The following GMNC variants were observed in gnomAD, a reference collection of about 807,000 sequenced individuals.
GMNC encodes the protein geminin coiled-coil domain containing.
GMNC carries 16 observed loss-of-function variants against 33.6 expected under a neutral mutation model. That is an observed-to-expected ratio of 0.48 (90% CI 0.32 to 0.72). The LOEUF is 0.72. Ranked by LOEUF, GMNC falls within the 30% of genes least tolerant of loss-of-function variation. The pLI is 0.03. For missense variants in GMNC, 393 were observed against 388.9 expected, an observed-to-expected ratio of 1.01 and a Z score of -0.09; for synonymous variants, 156 against 147.3, an observed-to-expected ratio of 1.06 and a Z score of -0.43.
chr3:190,858,695 C>A (rs114921072), intron 3 of GMNC, among the ~76,000 whole-genome samples: 12 of 152,168 alleles, frequency 7.9e-5, no homozygotes, highest in Admixed American at 7.9e-4. Context: ...CAAGGTCATA[C>A]GGCTAAAATG....
At position 190,854,497 on chromosome 3, in the gene GMNC, G is replaced by A. The variant is rs1345247094; in HGVS notation, c.*798C>T. ...CAGCAATAGGAGTTTGTCAGCATCT[G>A]GGTAGTTGCAGATGATGACTAGTTT... On this transcript the variant is annotated 3_prime_UTR_variant, in exon 5 of 5. Transcript: ENST00000442080. 2.0e-5 allele frequency: 3 copies of A among 152,132 alleles called. No homozygotes were observed. The highest frequency in any genetic ancestry group is 2.0e-4 in the Admixed American group (3 of 15,254). The allele number at this position is 152,132 out of a possible 1,614,324, so 9.4% of individuals were successfully genotyped here.
In GMNC at chr3:190,855,712, T is replaced by C; in HGVS notation, c.588A>G (p.Lys196=). 1 of 1,551,582 alleles carries C rather than the reference T, an allele frequency of 6.4e-7. No individual in the cohort carries two copies. ...DPWVLQTLGL[K]DLDTIDDTSS... ...AGGTGTCATCGATAGTGTCAAGGTC[T>C]TTTAACCCAAGTGTTTGAAGGACCC... Residue 196 remains lysine (K), a synonymous_variant, in exon 5 of 5, where the codon AAA becomes AAG. Transcript: ENST00000442080.
the GMNC span, among the ~76,000 whole-genome samples, chr3:190,846,590 T>C: frequency 6.6e-6 from 1 of 152,210 alleles, no homozygotes. Context: ...TGGTAATTTA[T>C]GACTTGCTGA....
Position 190,859,014 on chromosome 3 carries a change from A to G in GMNC, c.181T>C (p.Ser61Pro). ...AGAGGAAAATTTGAGTCACTGAATGATTCTGTGAAAATACAAATAGATAAC... is the reference window on the plus strand; with the variant it reads ...AGAGGAAAATTTGAGTCACTGAATGGTTCTGTGAAAATACAAATAGATAAC... ...ELQQAPQAQE[S>P]FSDSNFPLPD... Residue 61 changes from serine to proline, a missense_variant and splice_region_variant, in exon 3 of 5, where the codon TCA becomes CCA. By Grantham distance (74) the Ser-to-Pro change is moderately conservative. Transcript: ENST00000442080. 2 of 1,533,446 alleles carry G rather than the reference A, an allele frequency of 1.3e-6. No homozygotes were observed. The highest frequency in any genetic ancestry group is 2.4e-5 in the East Asian group (1 of 40,822). 95.0% of individuals were successfully genotyped at this position (1,533,446 alleles called of 1,614,324 possible).
the GMNC span, among the ~76,000 whole-genome samples, chr3:190,846,902 G>C: frequency 1.3e-5 from 2 of 152,184 alleles, no homozygotes; most frequent in African/African-American, 2.4e-5. Context: ...GAGTCCATGT[G>C]TTTTAAACTT....
the GMNC span, among the ~76,000 whole-genome samples, chr3:190,844,017 G>T: frequency 1.3e-5 from 2 of 152,052 alleles, no homozygotes; most frequent in Admixed American, 6.6e-5. Flanking sequence ...ATCCAGAATG[G>T]TTACTTCTTA....
At position 190,852,889 on chromosome 3, in the gene GMNC, A is replaced by G. The variant is rs1339516639; in HGVS notation, c.*2406T>C. On this transcript the variant is annotated 3_prime_UTR_variant, in exon 5 of 5. Coordinates refer to ENST00000442080, the MANE Select transcript of GMNC (RefSeq NM_001146686.3). ...AGTAAAACATATACTCAGGTGAAAGAAATGTTTAATTTCTAAAACATGAAC... is the reference window on the plus strand; with the variant it reads ...AGTAAAACATATACTCAGGTGAAAGGAATGTTTAATTTCTAAAACATGAAC... 1 of 152,174 alleles carries G rather than the reference A, an allele frequency of 6.6e-6. No homozygotes were observed. The highest frequency in any genetic ancestry group is 2.4e-5 in the African/African-American group (1 of 41,452). The allele number at this position is 152,174 out of a possible 1,614,324, so 9.4% of individuals were successfully genotyped here.
chr3:190,851,016 C>A (rs1314772657), downstream of GMNC, among the ~76,000 whole-genome samples: 2 of 152,130 alleles, frequency 1.3e-5, no homozygotes, highest in South Asian at 2.1e-4. Context: ...TCCAGGTTAT[C>A]CATGACTGAT....
intron 2 of GMNC, among the ~76,000 whole-genome samples, chr3:190,859,420 T>C (rs1269345396): frequency 6.6e-6 from 1 of 152,226 alleles, no homozygotes; most frequent in African/African-American, 2.4e-5. Context: ...TTCTAAGTTT[T>C]AGCACTTGAT....
chr3:190,849,702 A>G (rs933040261), downstream of GMNC, among the ~76,000 whole-genome samples: 1 of 152,204 alleles, frequency 6.6e-6, no homozygotes, highest in African/African-American at 2.4e-5. Flanking sequence ...ATAAGAAGCA[A>G]CAACAAAAAC....
In GMNC at chr3:190,855,581, T is replaced by C; in HGVS notation, c.719A>G (p.Asp240Gly). The C allele has an allele frequency of 6.4e-7, 1 of 1,551,558 alleles. No individual in the cohort carries two copies. Among genetic ancestry groups the C allele is most frequent in the Non-Finnish European group, 8.7e-7 (1 of 1,146,884 alleles). Residue 240 changes from aspartate (D) to glycine (G), a missense_variant, in exon 5 of 5, where the codon GAT (aspartate) becomes GGT (glycine). Transcript: ENST00000442080. ...GTCACCTCTATAGTCAATTGGCATATCCTCTCTGGGGATATTTTTATAATC... is the reference window on the plus strand; with the variant it reads ...GTCACCTCTATAGTCAATTGGCATACCCTCTCTGGGGATATTTTTATAATC... ...AVDYKNIPRE[D>G]MPIDYRGDRT...
chr3:190,853,618 A>G lies in GMNC; in HGVS notation c.*1677T>C, dbSNP rs1737673643. 6.6e-6 allele frequency: 1 copy of G among 152,064 alleles called. No individual in the cohort carries two copies. The highest frequency in any genetic ancestry group is 1.5e-5 in the Non-Finnish European group (1 of 67,990). 9.4% of individuals were successfully genotyped at this position (152,064 alleles called of 1,614,324 possible). ...TCTCTGTTACAAAGAATCCTAACCA[A>G]CACAGTTGACCTACGAGATATTGAT... On this transcript the variant is annotated 3_prime_UTR_variant, in exon 5 of 5. Transcript: ENST00000442080.
downstream of GMNC, among the ~76,000 whole-genome samples, chr3:190,850,163 T>G (rs564001675): frequency 3.9e-5 from 6 of 152,342 alleles, no homozygotes; most frequent in African/African-American, 1.4e-4. Context: ...TTAGCAATAA[T>G]GAAATTCTTC....
downstream of GMNC, among the ~76,000 whole-genome samples, chr3:190,847,807 A>G (rs901255290): frequency 1.3e-5 from 2 of 152,050 alleles, no homozygotes; most frequent in African/African-American, 4.8e-5. Flanking sequence ...CTCTTTTCTC[A>G]TTGTATGTTC....
At chr3:190,846,892 G>A in the GMNC span, among the ~76,000 whole-genome samples, 2 of 152,312 alleles carry the variant, frequency 1.3e-5, no homozygotes, top group East Asian at 3.9e-4. Flanking sequence ...CCATGAAACT[G>A]AGTCCATGTG....
downstream of GMNC, among the ~76,000 whole-genome samples, chr3:190,850,095 G>A (rs1209051001): frequency 3.3e-5 from 5 of 152,062 alleles, no homozygotes; most frequent in African/African-American, 7.2e-5. Context: ...CTACTCATCC[G>A]AATTTCTCTC....
chr3:190,856,159 T>C (rs1412895634), intron 4 of GMNC, among the ~76,000 whole-genome samples: 1 of 150,374 alleles, frequency 6.7e-6, no homozygotes, highest in Admixed American at 6.7e-5. Context: ...CGGCAAGTTA[T>C]TATTATTATA....
chr3:190,858,804 A>T (rs1393055), intron 3 of GMNC, 124 bp downstream of exon 3: 190,616 of 558,114 alleles, frequency 0.34, 36,024 homozygotes, highest in African/African-American at 0.62. Flanking sequence ...CTTTGGACAC[A>T]CCAGTCACTT....
chr3:190,843,336 C>G, the GMNC span, among the ~76,000 whole-genome samples: 1 of 151,924 alleles, frequency 6.6e-6, no homozygotes, highest in Non-Finnish European at 1.5e-5. Context: ...TGATGTTGAA[C>G]ACAGTATTAC....
Sources: gnomAD v4.1 joint callset for allele counts (sites outside exome capture counted in the v4.1 genomes callset) on GRCh38, gnomAD v4.1.1 for gene constraint, MANE v1.5 for transcripts, NCBI Gene and HGNC (gene_info 2026-07-23, HGNC 2026-07-21) for gene names.